PRELID2: variants seen among roughly 807,000 people sequenced by gnomAD.
PRELID2 encodes PRELI domain containing 2.
In PRELID2, 25 loss-of-function variants were observed where a neutral mutation model predicts 28.4. The observed-to-expected ratio is 0.88, with a 90% CI of 0.64 to 1.23. The LOEUF is 1.23. Ranked by LOEUF, PRELID2 falls within the 50% of genes most tolerant of loss-of-function variation. The probability of loss-of-function intolerance (pLI) is 0.00; values close to 1 mark genes in which losing one functional copy is unlikely to be tolerated. For synonymous variants in PRELID2, 76 were observed against 71.6 expected (o/e 1.06, Z -0.31); for missense variants, 201 against 214.4 (o/e 0.94, Z 0.39).
chr5:145,686,030 C>T (rs74653844), intron 1 of PRELID2, among the ~76,000 whole-genome samples: 5,257 of 152,244 alleles, frequency 0.035, 299 homozygotes, highest in African/African-American at 0.12. Context: ...AACAGCATGG[C>T]GATGTATAAA....
At chr5:145,399,803 G>T in the PRELID2 span, among the ~76,000 whole-genome samples, 1 of 152,128 alleles carries the variant, frequency 6.6e-6, no homozygotes, top group Admixed American at 6.6e-5. Context: ...GCAAGGAGGA[G>T]CAAGTCACAT....
At chr5:145,674,540 T>C (rs528929352) in intron 1 of PRELID2, among the ~76,000 whole-genome samples, 4 of 152,344 alleles carry the variant, frequency 2.6e-5, no homozygotes, top group African/African-American at 9.6e-5. Context: ...AAAAGATGAA[T>C]GTTTTAATAA....
At chr5:145,248,602 T>A in the PRELID2 span, among the ~76,000 whole-genome samples, 2 of 151,864 alleles carry the variant, frequency 1.3e-5, no homozygotes, top group Non-Finnish European at 2.9e-5. Flanking sequence ...ATCGAGAACA[T>A]CCTGGCCAAC....
chr5:145,601,747 C>T (rs1753400874), intron 1 of PRELID2, among the ~76,000 whole-genome samples: 1 of 152,164 alleles, frequency 6.6e-6, no homozygotes, highest in Non-Finnish European at 1.5e-5. Context: ...AACTTTGACA[C>T]AGTAACTTTG....
At chr5:145,609,397 G>T (rs905819336) in intron 1 of PRELID2, among the ~76,000 whole-genome samples, 1 of 152,166 alleles carries the variant, frequency 6.6e-6, no homozygotes, top group Non-Finnish European at 1.5e-5. Flanking sequence ...TCGCTCCTGG[G>T]TCTTGGAGGA....
the PRELID2 span, among the ~76,000 whole-genome samples, chr5:145,415,314 G>A: frequency 6.7e-6 from 1 of 150,096 alleles, no homozygotes; most frequent in Non-Finnish European, 1.5e-5. Context: ...TAAGTTTTAG[G>A]GTACATGTGC....
the PRELID2 span, among the ~76,000 whole-genome samples, chr5:145,276,201 C>G: frequency 1.3e-5 from 2 of 152,098 alleles, no homozygotes; most frequent in African/African-American, 4.8e-5. Flanking sequence ...CTTTAAAAGA[C>G]CTTTTAAGCA....
At chr5:145,430,671 T>C in the PRELID2 span, among the ~76,000 whole-genome samples, 92 of 152,292 alleles carry the variant, frequency 6.0e-4, 1 homozygote, top group African/African-American at 2.2e-3. Context: ...TTGATTTGCG[T>C]AGTTTTCTTT....
intron 5 of PRELID2, among the ~76,000 whole-genome samples, chr5:145,790,721 G>GTGTGTGTGTGTATATATATATATATA (rs772901344): frequency 1.3e-4 from 14 of 110,896 alleles, no homozygotes; most frequent in African/African-American, 4.0e-4. Flanking sequence ...GTGTGTGTGT[G>GTGTGTGTGTGTATATATATATATATA]TATATATATA....
chr5:145,736,236 A>T (rs2089605172), intron 1 of PRELID2, among the ~76,000 whole-genome samples: 1 of 152,176 alleles, frequency 6.6e-6, no homozygotes, highest in Admixed American at 6.5e-5. Flanking sequence ...ATTTGTTATA[A>T]AAATAAAGTG....
At chr5:145,676,236 A>AAAAAAAT (rs1561540869) in intron 1 of PRELID2, among the ~76,000 whole-genome samples, 1 of 149,192 alleles carries the variant, frequency 6.7e-6, no homozygotes, top group African/African-American at 2.5e-5. Context: ...AAAAAAAAAA[A>AAAAAAAT]AAAAAATAAT....
At chr5:145,761,309 A>G (rs1314217226) in intron 6 of PRELID2, among the ~76,000 whole-genome samples, 2 of 152,198 alleles carry the variant, frequency 1.3e-5, no homozygotes, top group Non-Finnish European at 1.5e-5. Context: ...CTAAATGCCT[A>G]TATGTCTACT....
intron 1 of PRELID2, among the ~76,000 whole-genome samples, chr5:145,637,399 T>C (rs1313826066): frequency 6.6e-6 from 1 of 152,132 alleles, no homozygotes; most frequent in Non-Finnish European, 1.5e-5. Context: ...TACCTCTGAC[T>C]CTAGAACCTA....
intron 1 of PRELID2, among the ~76,000 whole-genome samples, chr5:145,560,913 G>A (rs562259775): frequency 2.0e-5 from 3 of 152,252 alleles, no homozygotes; most frequent in Admixed American, 6.5e-5. Context: ...CTCCCTGGAA[G>A]GAGAAATACA....
chr5:145,554,065 G>A (rs745659285), intron 1 of PRELID2, among the ~76,000 whole-genome samples: 1 of 152,206 alleles, frequency 6.6e-6, no homozygotes, highest in Non-Finnish European at 1.5e-5. Flanking sequence ...CTAGATGTTA[G>A]TTGTCTATAT....
intron 1 of PRELID2, among the ~76,000 whole-genome samples, chr5:145,643,111 T>C (rs1754136538): frequency 6.6e-6 from 1 of 152,236 alleles, no homozygotes; most frequent in African/African-American, 2.4e-5. Flanking sequence ...TTGGGCAGTA[T>C]GGCCATTTTC....
intron 5 of PRELID2, among the ~76,000 whole-genome samples, chr5:145,782,333 G>C (rs1475620178): frequency 2.0e-5 from 3 of 152,194 alleles, no homozygotes; most frequent in African/African-American, 7.2e-5. Flanking sequence ...TTCCAGCTCT[G>C]CCACTTACTG....
At chr5:145,521,359 C>A (rs898803005) in intron 1 of PRELID2, among the ~76,000 whole-genome samples, 1 of 152,114 alleles carries the variant, frequency 6.6e-6, no homozygotes, top group African/African-American at 2.4e-5. Flanking sequence ...GGGCAGCATG[C>A]TCAAATTCCT....
At chr5:145,698,753 T>C (rs112921236) in intron 1 of PRELID2, among the ~76,000 whole-genome samples, 7,068 of 152,162 alleles carry the variant, frequency 0.046, 581 homozygotes, top group African/African-American at 0.16. Context: ...TGAGATGGAG[T>C]TTCACTCTTG....
Sources: allele counts gnomAD v4.1 joint callset (sites outside exome capture counted in the v4.1 genomes callset), GRCh38; gene constraint gnomAD v4.1.1; transcripts MANE v1.5; gene names NCBI Gene and HGNC (gene_info 2026-07-23, HGNC 2026-07-21).